CSMD3: variants seen among roughly 807,000 people sequenced by gnomAD.
CSMD3 encodes the protein CUB and Sushi multiple domains 3.
In CSMD3, 177 loss-of-function variants were observed where a neutral mutation model predicts 435.2. That is an observed-to-expected ratio of 0.41 (90% CI 0.36 to 0.46). The LOEUF is 0.46. CSMD3 is among the 20% of genes least tolerant of loss of function. The pLI, the probability that CSMD3 is intolerant of heterozygous loss-of-function variation, is 0.34. For missense variants in CSMD3, 4,265 were observed against 4,504.6 expected (o/e 0.95, Z 1.52); for synonymous variants, 1,656 against 1,520.5 (o/e 1.09, Z -2.07).
chr8:112,736,747 G>T (rs370493028), intron 13 of CSMD3, among the ~76,000 whole-genome samples: 1 of 151,824 alleles, frequency 6.6e-6, no homozygotes, highest in Admixed American at 6.6e-5. Context: ...TGTATTTCTG[G>T]TGTAGTGCTA....
At chr8:112,922,093 G>A (rs181276392) in intron 9 of CSMD3, among the ~76,000 whole-genome samples, 328 of 152,104 alleles carry the variant, frequency 2.2e-3, no homozygotes, top group Admixed American at 3.3e-3. Context: ...ATTTACATGT[G>A]TATGTTTGCA....
chr8:112,883,159 T>C (rs1213830642), intron 10 of CSMD3, among the ~76,000 whole-genome samples: 3 of 151,922 alleles, frequency 2.0e-5, no homozygotes, highest in East Asian at 3.9e-4. Context: ...AGGCCAAGTT[T>C]TGCCCGATCT....
intron 19 of CSMD3, among the ~76,000 whole-genome samples, chr8:112,649,650 G>T (rs1051842859): frequency 1.3e-5 from 2 of 152,152 alleles, no homozygotes; most frequent in African/African-American, 4.8e-5. Flanking sequence ...AAACAAAGAA[G>T]CAGTAAGGAA....
chr8:113,002,819 A>C (rs966954493), intron 6 of CSMD3, among the ~76,000 whole-genome samples: 8 of 152,140 alleles, frequency 5.3e-5, no homozygotes, highest in Non-Finnish European at 1.2e-4. Flanking sequence ...TATCTAACAC[A>C]ATTGACCTTT....
intron 11 of CSMD3, among the ~76,000 whole-genome samples, chr8:112,838,356 G>C (rs2080087778): frequency 6.6e-6 from 1 of 151,736 alleles, no homozygotes; most frequent in Non-Finnish European, 1.5e-5. Flanking sequence ...ATGAAAAGCA[G>C]CATATTACGA....
intron 1 of CSMD3, among the ~76,000 whole-genome samples, chr8:113,383,091 G>A (rs1563767363): frequency 6.6e-6 from 1 of 152,176 alleles, no homozygotes; most frequent in South Asian, 2.1e-4. Flanking sequence ...CATGGGTTAA[G>A]ATGAGGAGGA....
At chr8:112,458,215 C>CCACACACACACA (rs1283555462) in intron 32 of CSMD3, among the ~76,000 whole-genome samples, 75 of 150,744 alleles carry the variant, frequency 5.0e-4, no homozygotes, top group Middle Eastern at 3.4e-3. Context: ...ACACTCACAC[C>CCACACACACACA]CACACACACA....
At chr8:113,397,816 T>G (rs1353103796) in intron 1 of CSMD3, among the ~76,000 whole-genome samples, 1 of 134,030 alleles carries the variant, frequency 7.5e-6, no homozygotes, top group East Asian at 2.2e-4. Flanking sequence ...CGAGAGTCCG[T>G]CTCAAAAATA....
chr8:112,505,342 C>G (rs1404353705), intron 29 of CSMD3, among the ~76,000 whole-genome samples: 2 of 152,118 alleles, frequency 1.3e-5, no homozygotes, highest in Non-Finnish European at 2.9e-5. Flanking sequence ...TAGCAGAAGT[C>G]AGAAGATTAA....
intron 58 of CSMD3, among the ~76,000 whole-genome samples, chr8:112,284,939 A>G (rs1819028513): frequency 6.6e-6 from 1 of 151,978 alleles, no homozygotes; most frequent in Non-Finnish European, 1.5e-5. Context: ...GGTGAAAATG[A>G]TACCTTAATA....
chr8:113,359,742 A>C (rs1237238522), intron 1 of CSMD3, among the ~76,000 whole-genome samples: 3 of 152,170 alleles, frequency 2.0e-5, no homozygotes, highest in Non-Finnish European at 4.4e-5. Context: ...TATACTCTTG[A>C]AAAGAACTGA....
At chr8:112,650,800 A>G (rs1481837033) in intron 18 of CSMD3, among the ~76,000 whole-genome samples, 1 of 84,894 alleles carries the variant, frequency 1.2e-5, no homozygotes, top group African/African-American at 4.7e-5. Context: ...AGTATAACCA[A>G]TTAGCACATT....
intron 16 of CSMD3, among the ~76,000 whole-genome samples, chr8:112,669,846 A>G (rs372213655): frequency 6.6e-6 from 1 of 152,196 alleles, no homozygotes; most frequent in Admixed American, 6.5e-5. Flanking sequence ...ATCTAGCCAG[A>G]TAAGTACACT....
At chr8:112,630,416 G>A (rs1491002168) in intron 22 of CSMD3, among the ~76,000 whole-genome samples, 1 of 152,062 alleles carries the variant, frequency 6.6e-6, no homozygotes, top group Admixed American at 6.6e-5. Context: ...ATCAAGTTCT[G>A]TAGTTAATCA....
At chr8:112,654,286 A>C (rs2075203557) in intron 18 of CSMD3, among the ~76,000 whole-genome samples, 1 of 152,224 alleles carries the variant, frequency 6.6e-6, no homozygotes, top group Non-Finnish European at 1.5e-5. Context: ...ACAGTAAGAA[A>C]GAGATGAATG....
At chr8:112,235,318 A>G (rs1813465219) in intron 67 of CSMD3, among the ~76,000 whole-genome samples, 1 of 151,990 alleles carries the variant, frequency 6.6e-6, no homozygotes, top group Non-Finnish European at 1.5e-5. Flanking sequence ...CAGGAGCCGG[A>G]GGTTGCAGTG....
chr8:113,414,651 CAAAAAAA>C (rs780988317), intron 1 of CSMD3, among the ~76,000 whole-genome samples: 1,712 of 85,090 alleles, frequency 0.02, 35 homozygotes, highest in African/African-American at 0.065. Context: ...TGCCCAAATA[CAAAAAAA>C]AAAAAAAAAA....
chr8:112,669,257 C>T (rs746749696), intron 16 of CSMD3, among the ~76,000 whole-genome samples: 4 of 152,074 alleles, frequency 2.6e-5, no homozygotes, highest in East Asian at 1.9e-4. Flanking sequence ...TCTTGAACTT[C>T]TGATCTCAGG....
rs188438816 is a variant in CSMD3, at chr8:112,253,087, C to T, written c.10110+1166G>A. On this transcript the variant is annotated intron_variant, in intron 63 of 70. Coordinates refer to ENST00000297405, the MANE Select transcript of CSMD3 (RefSeq NM_198123.2). ...AACTCATATTCTTTAGAAAATCAGC[C>T]TGATTTAGTACACCGACACTAACAT... 7.2e-5 allele frequency among the ~76,000 whole-genome samples: 11 copies of T among 151,874 alleles called. No homozygotes were observed. The East Asian group carries it at 2.1e-3, about 29-fold the overall frequency.
Sources: allele counts gnomAD v4.1 joint callset (sites outside exome capture counted in the v4.1 genomes callset), GRCh38; gene constraint gnomAD v4.1.1; transcripts MANE v1.5; gene names NCBI Gene and HGNC (gene_info 2026-07-23, HGNC 2026-07-21).